The following PRR5 variants were observed in gnomAD, a reference collection of about 807,000 sequenced individuals.
PRR5 encodes proline-rich protein 5.
PRR5 carries 25 observed loss-of-function variants against 30.6 expected under a neutral mutation model. The ratio of observed to expected loss-of-function variants is 0.82; its 90% confidence interval spans 0.60 to 1.14. The LOEUF (loss-of-function observed/expected upper bound fraction) is 1.14. Among genes scored for constraint, PRR5 ranks in the 50% most tolerant of loss-of-function variants. The probability of loss-of-function intolerance (pLI) is 0.00; values close to 1 mark genes in which losing one functional copy is unlikely to be tolerated. For missense variants in PRR5, 600 were observed against 547.1 expected, an observed-to-expected ratio of 1.10 and a Z score of -0.96; for synonymous variants, 286 against 247.1, an observed-to-expected ratio of 1.16 and a Z score of -1.48.
rs764906131 is a variant in PRR5 at position 44,736,850 on chromosome 22, C to T, written c.770C>T (p.Thr257Met). Residue 257 changes from threonine (T) to methionine (M), a missense_variant, in exon 8 of 8, where the codon ACG (threonine) becomes ATG (methionine). By Grantham distance (81) the Thr-to-Met change is moderately conservative. Coordinates refer to ENST00000336985, the MANE Select transcript of PRR5 (RefSeq NM_181333.4). Reference sequence around the variant, plus strand: ...GTGGTGCGCTCCAAGAGCTACAACACGCCTCTGCTGAACCCCGTGCAGGAG... The same window carrying T: ...GTGGTGCGCTCCAAGAGCTACAACATGCCTCTGCTGAACCCCGTGCAGGAG... Reference protein sequence around the residue: ...NPVVRSKSYNTPLLNPVQEHE... With the variant: ...NPVVRSKSYNMPLLNPVQEHE... The T allele has an allele frequency of 2.4e-5, 38 of 1,605,798 alleles. No homozygotes were observed. The highest frequency in any genetic ancestry group is 1.7e-4 in the Middle Eastern group (1 of 5,872).
chr22:44,692,759 C>T (rs918926326), intron 1 of PRR5, among the ~76,000 whole-genome samples: 2 of 152,210 alleles, frequency 1.3e-5, no homozygotes, highest in Admixed American at 6.5e-5. Context: ...CCCGCTCTGC[C>T]GCCTGCCCTG....
chr22:44,709,389 C>T (rs941952342), intron 1 of PRR5, among the ~76,000 whole-genome samples: 10 of 152,050 alleles, frequency 6.6e-5, no homozygotes, highest in African/African-American at 2.4e-4. Flanking sequence ...GCACAGAGAG[C>T]TTGGAAGGTG....
chr22:44,702,255 T>C lies in PRR5; in HGVS notation c.-220T>C, dbSNP rs184649674. On this transcript the variant is annotated 5_prime_UTR_variant, in exon 1 of 8. Coordinates refer to ENST00000336985, the MANE Select transcript of PRR5 (RefSeq NM_181333.4). ...TGGCCGCGCGCCTGGCGCTCCACGC[T>C]GAGCCTCTCCGTGCAATGATTAACC... The C allele has an allele frequency of 4.6e-3, 5,247 of 1,136,348 alleles. 224 individuals carry two copies. In the African/African-American group the frequency reaches 0.078, roughly 17 times the overall value. The allele number at this position is 1,136,348 out of a possible 1,614,324, so 70.4% of individuals were successfully genotyped here.
Position 44,702,520 on chromosome 22 carries a change from A to G in PRR5, c.46A>G (p.Ser16Gly), listed in dbSNP as rs1172932584. 1 of 1,473,466 alleles carries G rather than the reference A, an allele frequency of 6.8e-7. No homozygotes were observed. The highest frequency in any genetic ancestry group is 2.1e-4 in the Middle Eastern group (1 of 4,680). The allele number at this position is 1,473,466 out of a possible 1,614,324, so 91.3% of individuals were successfully genotyped here. A position where few individuals can be genotyped will look rare whatever the true frequency, so the allele number is the denominator to read the frequency against. The change falls in exon 1 of 8, where the codon AGT (serine) becomes GGT (glycine). Residue 16 changes from serine to glycine, a missense_variant. Coordinates refer to ENST00000336985, the MANE Select transcript of PRR5 (RefSeq NM_181333.4). ...GAAGTTCATGAGTTCGCCCAGCCTCAGTGACCTGGGCAAGAGAGAGCCGGC... is the reference window on the plus strand; with the variant it reads ...GAAGTTCATGAGTTCGCCCAGCCTCGGTGACCTGGGCAAGAGAGAGCCGGC... ...RLKFMSSPSL[S>G]DLGKREPAAA...
At chr22:44,688,684 T>C (rs1362545544) in intron 1 of PRR5, among the ~76,000 whole-genome samples, 1 of 152,126 alleles carries the variant, frequency 6.6e-6, no homozygotes, top group Non-Finnish European at 1.5e-5. Flanking sequence ...GTATTAAATG[T>C]GCTATTACAT....
chr22:44,701,606 G>A (rs1455115190), upstream of PRR5, among the ~76,000 whole-genome samples: 2 of 152,210 alleles, frequency 1.3e-5, no homozygotes, highest in Admixed American at 6.5e-5. Flanking sequence ...GAGACCTGGG[G>A]GTGGGAGATA....
At position 44,726,584 on chromosome 22, in the gene PRR5, T is replaced by C. The variant is rs941185482; in HGVS notation, c.272T>C (p.Leu91Pro). 6.8e-6 allele frequency: 11 copies of C among 1,613,976 alleles called. No individual in the cohort carries two copies. Among genetic ancestry groups the C allele is most frequent in the Non-Finnish European group, 9.3e-6 (11 of 1,180,034 alleles). The stretch of plus-strand genomic sequence containing the variant: ...CTCTGTGTTTACCTTCAGAACCAGC[T>C]GCTGACAAAAGGCATGGTGATCCTT... ...SFFTEYLQNQ[L>P]LTKGMVILRD... Residue 91 changes from leucine (L) to proline (P), a missense_variant, in exon 4 of 8, where the codon CTG becomes CCG. Leu to Pro is a moderately conservative substitution (Grantham distance 98, BLOSUM62 -3). Transcript: ENST00000336985.
At chr22:44,732,880 A>G (rs553250551) in intron 6 of PRR5, among the ~76,000 whole-genome samples, 15 of 147,894 alleles carry the variant, frequency 1.0e-4, no homozygotes, top group African/African-American at 3.4e-4. Flanking sequence ...CACACTGCAC[A>G]CACACACCAC....
chr22:44,696,859 C>T (rs980153813), intron 1 of PRR5, among the ~76,000 whole-genome samples: 1 of 152,158 alleles, frequency 6.6e-6, no homozygotes, highest in Non-Finnish European at 1.5e-5. Flanking sequence ...GCCTCAGCCT[C>T]CCTAGTAGCT....
At chr22:44,736,704 C>T in intron 7 of PRR5, 68 bp from the exon 8 acceptor site, 1 of 1,507,214 alleles carries the variant, frequency 6.6e-7, no homozygotes, top group Non-Finnish European at 8.9e-7. Flanking sequence ...GTGCAGTGAG[C>T]AGCAGGTGCC....
Position 44,691,998 on chromosome 22 carries a change from G to GT in PRR5, c.-10-10491dup, listed in dbSNP as rs571746100. On this transcript the variant is annotated intron_variant, in intron 1 of 8. Transcript: ENST00000006251. The surrounding 1 kb of genome is among the most constrained non-coding windows in gnomAD (Gnocchi z 4.4). ...AACGCGGGCCAAGTTTTGATGGGCT[G>GT]TTTCCTGCCTCCCTACCCTGCTGGA... 1.9e-4 allele frequency among the ~76,000 whole-genome samples: 29 copies of GT among 152,226 alleles called. No individual in the cohort carries two copies. In the Middle Eastern group the frequency reaches 0.01, roughly 54 times the overall value.
intron 1 of PRR5, among the ~76,000 whole-genome samples, chr22:44,713,918 C>A (rs1427328566): frequency 6.6e-6 from 1 of 152,244 alleles, no homozygotes; most frequent in Admixed American, 6.5e-5. Context: ...ACTCTCCTGC[C>A]TCAGCCTCCC....
At chr22:44,696,770 T>C (rs1322846631) in intron 1 of PRR5, among the ~76,000 whole-genome samples, 1 of 149,840 alleles carries the variant, frequency 6.7e-6, no homozygotes, top group Non-Finnish European at 1.5e-5. Flanking sequence ...GCAGTCCTGC[T>C]CTGTCGCCCA....
intron 3 of PRR5, 134 bp downstream of exon 3, chr22:44,725,426 G>T: frequency 8.3e-7 from 1 of 1,206,086 alleles, no homozygotes; most frequent in South Asian, 1.4e-5. Flanking sequence ...GACCTGCCTC[G>T]TTCCTTATCT....
rs185853337 is a variant in PRR5 at position 44,681,316 on chromosome 22, G to A, written c.-11+4076G>A. ...AAAAAAAAAGTTTGGGAGGCCAGGCGCAGTGGCTTATGCCTCTAATCCCAG... is the reference window on the plus strand; with the variant it reads ...AAAAAAAAAGTTTGGGAGGCCAGGCACAGTGGCTTATGCCTCTAATCCCAG... On this transcript the variant is annotated intron_variant, in intron 1 of 8. Transcript: ENST00000006251. 2.1e-4 allele frequency among the ~76,000 whole-genome samples: 32 copies of A among 152,294 alleles called. 1 individual carries two copies. Among genetic ancestry groups the A allele is most frequent in the Non-Finnish European group, 2.8e-4 (19 of 68,038 alleles).
chr22:44,707,240 G>A (rs1433094605), intron 1 of PRR5, among the ~76,000 whole-genome samples: 1 of 152,214 alleles, frequency 6.6e-6, no homozygotes. Context: ...TGGGCTGCGG[G>A]GCCAAGGTGT....
intron 6 of PRR5, 146 bp from the exon 7 acceptor site, chr22:44,734,881 C>A: frequency 1.7e-6 from 2 of 1,171,816 alleles, no homozygotes; most frequent in Non-Finnish European, 2.4e-6. Context: ...CCACCGTGGG[C>A]CCTGCCATGG....
rs371769405 is a variant in PRR5, at chr22:44,731,768, T to G, written c.361T>G (p.Phe121Val). 5.5e-5 allele frequency: 89 copies of G among 1,613,742 alleles called. No individual in the cohort carries two copies. Among genetic ancestry groups the G allele is most frequent in the South Asian group, 1.5e-4 (14 of 91,088 alleles). Residue 121 changes from phenylalanine (F) to valine (V), a missense_variant, in exon 5 of 8, where the codon TTC (phenylalanine) becomes GTC (valine). Transcript: ENST00000336985. ...LLDSLAETWD[F>V]FFSDVLPMLQ... The stretch of plus-strand genomic sequence containing the variant: ...GGACTCACTGGCAGAGACCTGGGAC[T>G]TCTTCTTCAGTGACGTGCTGCCCAT...
upstream of PRR5, among the ~76,000 whole-genome samples, chr22:44,697,738 G>C (rs1332948117): frequency 6.6e-6 from 1 of 152,216 alleles, no homozygotes; most frequent in South Asian, 2.1e-4. Flanking sequence ...CAGGGCTCCA[G>C]CCTCAGCTCC....
Sources: allele counts gnomAD v4.1 joint callset (sites outside exome capture counted in the v4.1 genomes callset), GRCh38; gene constraint gnomAD v4.1.1; non-coding constraint Gnocchi (gnomAD v3.1); transcripts MANE v1.5; gene names NCBI Gene and HGNC (gene_info 2026-07-23, HGNC 2026-07-21).